The following SCHIP1 variants were observed in gnomAD, a reference collection of about 807,000 sequenced individuals.
SCHIP1 encodes the protein schwannomin interacting protein 1.
SCHIP1 carries 8 observed loss-of-function variants against 29.7 expected under a neutral mutation model. The observed-to-expected ratio is 0.27, with a 90% CI of 0.16 to 0.49. The LOEUF (loss-of-function observed/expected upper bound fraction) is 0.49, where lower values mean the gene tolerates loss of function less well. SCHIP1 is among the 20% of genes least tolerant of loss of function. The probability of loss-of-function intolerance (pLI) is 0.99; values close to 1 mark genes in which losing one functional copy is unlikely to be tolerated. For missense variants in SCHIP1, 193 were observed against 294.6 expected, an observed-to-expected ratio of 0.66 and a Z score of 2.52; for synonymous variants, 76 against 94.9, an observed-to-expected ratio of 0.80 and a Z score of 1.16.
At chr3:159,476,503 C>T in the SCHIP1 span, among the ~76,000 whole-genome samples, 1 of 151,994 alleles carries the variant, frequency 6.6e-6, no homozygotes, top group Non-Finnish European at 1.5e-5. Flanking sequence ...GTATACCAAA[C>T]TTTTATAAGA....
the SCHIP1 span, among the ~76,000 whole-genome samples, chr3:159,325,909 T>G: frequency 6.6e-6 from 1 of 152,268 alleles, no homozygotes; most frequent in Non-Finnish European, 1.5e-5. Context: ...ATTACTGTAG[T>G]CATGGTTTTT....
chr3:159,275,997 G>C, the SCHIP1 span, among the ~76,000 whole-genome samples: 11 of 152,134 alleles, frequency 7.2e-5, no homozygotes, highest in Admixed American at 3.3e-4. Flanking sequence ...TGGCTACAAA[G>C]AATGTAGGGG....
At chr3:159,665,251 C>T in the SCHIP1 span, among the ~76,000 whole-genome samples, 4 of 152,180 alleles carry the variant, frequency 2.6e-5, no homozygotes, top group African/African-American at 9.7e-5. Context: ...AGCACTCAGA[C>T]CCACTGTTTC....
At chr3:159,543,680 G>A in the SCHIP1 span, among the ~76,000 whole-genome samples, 4 of 151,772 alleles carry the variant, frequency 2.6e-5, no homozygotes, top group African/African-American at 7.3e-5. Flanking sequence ...ATAAACATAC[G>A]TGTGCATGTG....
At chr3:159,517,288 G>C in the SCHIP1 span, among the ~76,000 whole-genome samples, 2 of 152,242 alleles carry the variant, frequency 1.3e-5, no homozygotes, top group Admixed American at 1.3e-4. Flanking sequence ...AAAAGAGTTG[G>C]CAAACTTAAA....
chr3:159,727,109 A>G, the SCHIP1 span, among the ~76,000 whole-genome samples: 1 of 152,232 alleles, frequency 6.6e-6, no homozygotes, highest in Non-Finnish European at 1.5e-5. Context: ...GCTCCAAAAT[A>G]TATTTTTTAA....
chr3:159,827,031 A>T, the SCHIP1 span, among the ~76,000 whole-genome samples: 1 of 152,232 alleles, frequency 6.6e-6, no homozygotes, highest in Non-Finnish European at 1.5e-5. Flanking sequence ...TTTACTTCTA[A>T]AAGATGAGAA....
At chr3:159,776,649 T>C in the SCHIP1 span, among the ~76,000 whole-genome samples, 2 of 152,222 alleles carry the variant, frequency 1.3e-5, no homozygotes, top group African/African-American at 4.8e-5. Context: ...ACATTTTGAA[T>C]ACCTGCTCTA....
the SCHIP1 span, among the ~76,000 whole-genome samples, chr3:159,459,559 A>G: frequency 9.0e-6 from 1 of 110,544 alleles, no homozygotes; most frequent in Admixed American, 7.8e-5. Context: ...AATGCTATAT[A>G]ACAAAAAAAA....
chr3:159,808,371 CCTATGCTT>C, the SCHIP1 span: 1 of 152,204 alleles, frequency 6.6e-6, no homozygotes, highest in African/African-American at 2.4e-5. Flanking sequence ...CAGCAATAGT[CCTATGCTT>C]CTCAGACTCC....
At chr3:159,643,883 A>G in the SCHIP1 span, among the ~76,000 whole-genome samples, 21,314 of 152,004 alleles carry the variant, frequency 0.14, 4,081 homozygotes, top group African/African-American at 0.43. Context: ...TTTCATTTCC[A>G]CAGTTTCTCT....
the SCHIP1 span, among the ~76,000 whole-genome samples, chr3:159,426,883 C>G: frequency 6.6e-6 from 1 of 152,122 alleles, no homozygotes. Flanking sequence ...GATCAATATA[C>G]GCAAACCAAT....
the SCHIP1 span, among the ~76,000 whole-genome samples, chr3:159,650,805 C>T: frequency 4.6e-5 from 7 of 152,106 alleles, no homozygotes; most frequent in Admixed American, 6.5e-5. Context: ...TGCACTGGAA[C>T]GAGGTCAATG....
chr3:159,319,483 T>G, the SCHIP1 span, among the ~76,000 whole-genome samples: 5 of 152,232 alleles, frequency 3.3e-5, no homozygotes, highest in Non-Finnish European at 5.9e-5. Context: ...CTTAAATATC[T>G]GTTACAAATG....
At chr3:159,721,751 TC>T in the SCHIP1 span, 2 of 445,086 alleles carry the variant, frequency 4.5e-6, no homozygotes, top group African/African-American at 4.1e-5. Flanking sequence ...ACGAAGGACG[TC>T]TCACTGTCTT....
At chr3:159,529,102 AC>A in the SCHIP1 span, among the ~76,000 whole-genome samples, 1 of 152,214 alleles carries the variant, frequency 6.6e-6, no homozygotes, top group Non-Finnish European at 1.5e-5. Flanking sequence ...ATATATATAT[AC>A]ATTTCTGCAG....
chr3:159,520,187 G>A, the SCHIP1 span, among the ~76,000 whole-genome samples: 1 of 152,054 alleles, frequency 6.6e-6, no homozygotes, highest in African/African-American at 2.4e-5. Flanking sequence ...CAAAGACGGA[G>A]GTAGGCACAG....
chr3:159,447,572 A>G, the SCHIP1 span, among the ~76,000 whole-genome samples: 2 of 152,180 alleles, frequency 1.3e-5, no homozygotes, highest in African/African-American at 2.4e-5. Flanking sequence ...GCCGTGCCAT[A>G]TGATTGACAG....
chr3:159,720,492 A>G, the SCHIP1 span, among the ~76,000 whole-genome samples: 1 of 152,190 alleles, frequency 6.6e-6, no homozygotes, highest in African/African-American at 2.4e-5. Context: ...TCTAAACACT[A>G]TAGCAAAAAA....
Sources: gnomAD v4.1 joint callset for allele counts (sites outside exome capture counted in the v4.1 genomes callset) on GRCh38, gnomAD v4.1.1 for gene constraint, MANE v1.5 for transcripts, NCBI Gene and HGNC (gene_info 2026-07-23, HGNC 2026-07-21) for gene names.